Variants in PLEKHA6 observed in about 807,000 individuals in gnomAD.
The protein encoded by PLEKHA6 is pleckstrin homology domain containing A6.
In PLEKHA6, 60 loss-of-function variants were observed where a neutral mutation model predicts 116.7. The observed-to-expected ratio is 0.51, with a 90% CI of 0.42 to 0.64. The LOEUF (loss-of-function observed/expected upper bound fraction) is 0.64. PLEKHA6 is among the 30% of genes least tolerant of loss of function. The pLI is 0.00. For missense variants in PLEKHA6, 1,338 were observed against 1,422.7 expected (o/e 0.94, Z 0.96); for synonymous variants, 489 against 556.1 (o/e 0.88, Z 1.70).
chr1:204,276,785 G>A (rs747403574), intron 1 of PLEKHA6, among the ~76,000 whole-genome samples: 17 of 151,860 alleles, frequency 1.1e-4, no homozygotes, highest in Admixed American at 2.0e-4. Context: ...TACAAATGAC[G>A]TCCTCATTCT....
At position 204,226,188 on chromosome 1, in the gene PLEKHA6, C is replaced by T. The variant is rs141666117; in HGVS notation, c.3031+1895G>A. 1.1e-3 allele frequency among the ~76,000 whole-genome samples: 173 copies of T among 152,336 alleles called. 1 individual carries two copies. The highest frequency in any genetic ancestry group is 3.8e-3 in the African/African-American group (156 of 41,576). On this transcript the variant is annotated intron_variant, in intron 21 of 22. Transcript: ENST00000272203. ...GCTGTAGCTCTGGGGAGCTGGGCCA[C>T]AGGCCAGGGGCGGTGGGAACAGTGG...
intron 1 of PLEKHA6, among the ~76,000 whole-genome samples, chr1:204,312,787 C>T (rs1056964390): frequency 6.6e-6 from 1 of 152,184 alleles, no homozygotes; most frequent in Admixed American, 6.5e-5. Flanking sequence ...ATCAGTTTGC[C>T]TCTAGTGCAC....
At chr1:204,330,365 C>A (rs1231363830) in intron 1 of PLEKHA6, among the ~76,000 whole-genome samples, 1 of 152,172 alleles carries the variant, frequency 6.6e-6, no homozygotes, top group Non-Finnish European at 1.5e-5. Flanking sequence ...TGTCAGAGGG[C>A]AGAAAGGACC....
At chr1:204,359,612 C>T in intron 1 of PLEKHA6, 82 bp downstream of exon 1, 1 of 985,326 alleles carries the variant, frequency 1.0e-6, no homozygotes, top group Non-Finnish European at 1.2e-6. Context: ...GCTCACGCGG[C>T]AGACAGGCAG....
At position 204,244,810 on chromosome 1, in the gene PLEKHA6, C is replaced by T. The variant is rs563362921; in HGVS notation, c.2172+54G>A. ...CAGAAGTTGTATAGTTTCAGACAAACGAGGATCTGGTCCTCCCTCCCCCAC... is the reference window on the plus strand; with the variant it reads ...CAGAAGTTGTATAGTTTCAGACAAATGAGGATCTGGTCCTCCCTCCCCCAC... On this transcript the variant is annotated intron_variant, in intron 15 of 22. Coordinates refer to ENST00000272203, the MANE Select transcript of PLEKHA6 (RefSeq NM_014935.5). 539 of 1,385,660 alleles carry T rather than the reference C, an allele frequency of 3.9e-4. 3 individuals are homozygous for T. Among genetic ancestry groups the T allele is most frequent in the Middle Eastern group, 3.7e-3 (20 of 5,348 alleles). The allele number at this position is 1,385,660 out of a possible 1,614,324, so 85.8% of individuals were successfully genotyped here. A position where few individuals can be genotyped will look rare whatever the true frequency, so the allele number is the denominator to read the frequency against.
chr1:204,341,750 CA>C (rs1163109270), intron 1 of PLEKHA6, among the ~76,000 whole-genome samples: 2 of 151,886 alleles, frequency 1.3e-5, no homozygotes, highest in African/African-American at 4.8e-5. Context: ...TAATATTAAC[CA>C]AAAAAAGTAG....
chr1:204,368,767 A>G (rs1365193605), intron 2 of PLEKHA6: 1 of 152,346 alleles, frequency 6.6e-6, no homozygotes, highest in African/African-American at 2.4e-5. Context: ...CTGGCTGAGA[A>G]CATTCCTTTT....
chr1:204,344,245 G>T (rs1314335093), intron 1 of PLEKHA6, among the ~76,000 whole-genome samples: 1 of 152,186 alleles, frequency 6.6e-6, no homozygotes, highest in Admixed American at 6.5e-5. Context: ...CTCTCCTGAG[G>T]TTCTTGTGGG....
intron 17 of PLEKHA6, among the ~76,000 whole-genome samples, chr1:204,240,996 T>C (rs966058089): frequency 2.6e-5 from 4 of 152,308 alleles, no homozygotes; most frequent in South Asian, 2.1e-4. Flanking sequence ...CCCTCAAACA[T>C]CGGACTCCAA....
intron 15 of PLEKHA6, among the ~76,000 whole-genome samples, chr1:204,242,439 A>T (rs1316520455): frequency 1.3e-5 from 2 of 152,194 alleles, no homozygotes; most frequent in African/African-American, 4.8e-5. Context: ...TACGGGTAAC[A>T]TTACCTGCTC....
Position 204,220,060 on chromosome 1 carries a change from A to G in PLEKHA6, c.*2728T>C, listed in dbSNP as rs1659489480. 1 of 152,244 alleles carries G rather than the reference A, an allele frequency of 6.6e-6. No homozygotes were observed. Among genetic ancestry groups the G allele is most frequent in the African/African-American group, 2.4e-5 (1 of 41,456 alleles). The allele number at this position is 152,244 out of a possible 1,614,324, so 9.4% of individuals were successfully genotyped here. ...CAAGGAACTTGTATGTGTCTGTGCT[A>G]CAGGGCCAGGGATGGCCCAGAGGAT... On this transcript the variant is annotated 3_prime_UTR_variant, in exon 23 of 23. Transcript: ENST00000272203.
chr1:204,325,850 C>A, intron 1 of PLEKHA6: 1 of 964,108 alleles, frequency 1.0e-6, no homozygotes, highest in East Asian at 1.1e-4. Context: ...CCCAGGCGAA[C>A]AAGGGGTGGA....
At chr1:204,234,959 T>C (rs1661747045) in intron 17 of PLEKHA6, among the ~76,000 whole-genome samples, 1 of 1,302 alleles carries the variant, frequency 7.7e-4, no homozygotes, top group South Asian at 0.017. Flanking sequence ...GCCCTTTATA[T>C]ATATATATAT....
At chr1:204,243,717 C>T (rs922690926) in intron 15 of PLEKHA6, among the ~76,000 whole-genome samples, 8 of 152,182 alleles carry the variant, frequency 5.3e-5, no homozygotes, top group Admixed American at 1.3e-4. Context: ...AGACATATGC[C>T]GTCATGTTCC....
intron 1 of PLEKHA6, among the ~76,000 whole-genome samples, chr1:204,310,454 A>G (rs1049916284): frequency 6.6e-6 from 1 of 152,164 alleles, no homozygotes; most frequent in Admixed American, 6.5e-5. Flanking sequence ...CCACTGGCCC[A>G]GTTCACCAAA....
In PLEKHA6 at chr1:204,247,400, C is replaced by T. The variant is rs759557037; in HGVS notation, c.1885G>A (p.Asp629Asn). ...HLESEVSALH[D>N]DLWEQLNLDT... ...AAATTGAGCTGCTCCCAGAGGTCAT[C>T]GTGCAGGGCAGAGACCTCAGACTCG... The change falls in exon 13 of 23, where the codon GAT becomes AAT. Residue 629 changes from aspartate (D) to asparagine (N), a missense_variant. This residue lies in a region of PLEKHA6 where 1,136 missense variants were observed against 1,163.6 expected (regional missense o/e 0.98). Transcript: ENST00000272203. The T allele has an allele frequency of 9.9e-6, 16 of 1,613,102 alleles. No individual in the cohort carries two copies. Among genetic ancestry groups the T allele is most frequent in the East Asian group, 4.5e-5 (2 of 44,868 alleles).
At chr1:204,295,131 T>C (rs954057722) in intron 1 of PLEKHA6, among the ~76,000 whole-genome samples, 1 of 152,186 alleles carries the variant, frequency 6.6e-6, no homozygotes. Context: ...TTTGTGTGTG[T>C]GTCATGGTTG....
intron 1 of PLEKHA6, among the ~76,000 whole-genome samples, chr1:204,344,741 G>A (rs1047143250): frequency 7.2e-5 from 11 of 152,162 alleles, no homozygotes; most frequent in Admixed American, 5.2e-4. Context: ...CCCCAGAAGT[G>A]AGTGACAAAG....
At chr1:204,286,133 A>T (rs1669152090) in intron 1 of PLEKHA6, among the ~76,000 whole-genome samples, 1 of 152,198 alleles carries the variant, frequency 6.6e-6, no homozygotes, top group Non-Finnish European at 1.5e-5. Flanking sequence ...GTTGCTAAGC[A>T]GACATCACAA....
Sources: gnomAD v4.1 joint callset for allele counts (sites outside exome capture counted in the v4.1 genomes callset) on GRCh38, gnomAD v4.1.1 for gene constraint, gnomAD v4.1.1 regional missense constraint, MANE v1.5 for transcripts, NCBI Gene and HGNC (gene_info 2026-07-23, HGNC 2026-07-21) for gene names.